Variants in MOCS1 observed in about 807,000 individuals in gnomAD.
MOCS1 encodes the protein molybdenum cofactor biosynthesis protein 1.
In MOCS1, 39 loss-of-function variants were observed where a neutral mutation model predicts 57.6. The observed-to-expected ratio is 0.68, with a 90% CI of 0.52 to 0.88. The LOEUF (loss-of-function observed/expected upper bound fraction) is 0.88, where lower values mean the gene tolerates loss of function less well. Among genes scored for constraint, MOCS1 ranks in the 40% least tolerant of loss-of-function variants. The pLI, the probability that MOCS1 is intolerant of heterozygous loss-of-function variation, is 0.00. For synonymous variants in MOCS1, 334 were observed against 335.7 expected (o/e 1.00, Z 0.05); for missense variants, 795 against 831.1 (o/e 0.96, Z 0.53).
intron 1 of MOCS1, among the ~76,000 whole-genome samples, chr6:39,928,100 T>G (rs1251154096): frequency 1.3e-5 from 2 of 152,056 alleles, no homozygotes; most frequent in African/African-American, 4.8e-5. Flanking sequence ...TAACTAAGGC[T>G]TGGATGGGGT....
In MOCS1 at chr6:39,906,111, C is replaced by G. The variant is rs777381570; in HGVS notation, c.*246G>C. The G allele has an allele frequency of 3.0e-6, 2 of 672,252 alleles. No homozygotes were observed. The highest frequency in any genetic ancestry group is 5.4e-6 in the Non-Finnish European group (2 of 368,786). 41.6% of individuals were successfully genotyped at this position (672,252 alleles called of 1,614,324 possible). A position where few individuals can be genotyped will look rare whatever the true frequency, so the allele number is the denominator to read the frequency against. On this transcript the variant is annotated 3_prime_UTR_variant, in exon 11 of 11. Coordinates refer to ENST00000340692, the MANE Select transcript of MOCS1 (RefSeq NM_001358530.2). Reference sequence around the variant, plus strand: ...ATTGCTTGTTGCAGTCCCGCTCCCACGACCTTAGTGTCCTGGAAGGCTTAA... The same window carrying G: ...ATTGCTTGTTGCAGTCCCGCTCCCAGGACCTTAGTGTCCTGGAAGGCTTAA...
Position 39,906,927 on chromosome 6 carries a change from T to C in MOCS1, c.1341A>G (p.Arg447=), listed in dbSNP as rs1299875028. Reference sequence around the variant, plus strand: ...CTGAGTCTGCACGGGAAGTGTAGTGTCTCTGAAAGGAGCCAGACCCCAGCC... The same window carrying C: ...CTGAGTCTGCACGGGAAGTGTAGTGCCTCTGAAAGGAGCCAGACCCCAGCC... ...QQRLGSGSFQ[R]HYTSRADSDA... Residue 447 remains arginine (R), a synonymous_variant, in exon 11 of 11, where the codon AGA becomes AGG. Coordinates refer to ENST00000340692, the MANE Select transcript of MOCS1 (RefSeq NM_001358530.2). The C allele has an allele frequency of 1.2e-6, 2 of 1,613,948 alleles. No homozygotes were observed. The highest frequency in any genetic ancestry group is 3.3e-5 in the Admixed American group (2 of 60,002).
chr6:39,923,680 CTGGG>C (rs1362438228), intron 3 of MOCS1, among the ~76,000 whole-genome samples: 1 of 152,262 alleles, frequency 6.6e-6, no homozygotes, highest in Admixed American at 6.5e-5. Context: ...GTCAGCTTGC[CTGGG>C]CCAGCTCAGC....
intron 1 of MOCS1, 98 bp downstream of exon 1, chr6:39,934,197 G>C (rs973079923): frequency 2.1e-6 from 3 of 1,413,818 alleles, no homozygotes; most frequent in East Asian, 5.1e-5. Context: ...TCCCAGAAGC[G>C]GTCAAGCAGA....
chr6:39,904,987 T>TGCAA lies in MOCS1; in HGVS notation c.*1366_*1369dup, dbSNP rs1766758097. Reference sequence around the variant, plus strand: ...CAATTGTTTACATTTTCAGAAATTTTGCAAGCCATTTGACATACTGGTAGC... The same window carrying TGCAA: ...CAATTGTTTACATTTTCAGAAATTTTGCAAGCAAGCCATTTGACATACTGGTAGC... On this transcript the variant is annotated 3_prime_UTR_variant, in exon 11 of 11. Coordinates refer to ENST00000340692, the MANE Select transcript of MOCS1 (RefSeq NM_001358530.2). 2.2e-6 allele frequency: 1 copy of TGCAA among 453,754 alleles called. No individual in the cohort carries two copies. Among genetic ancestry groups the TGCAA allele is most frequent in the African/African-American group, 2.0e-5 (1 of 49,758 alleles). The allele number at this position is 453,754 out of a possible 1,614,324, so 28.1% of individuals were successfully genotyped here. A position where few individuals can be genotyped will look rare whatever the true frequency, so the allele number is the denominator to read the frequency against.
At chr6:39,916,007 T>C (rs2149407023) in intron 4 of MOCS1, 61 bp downstream of exon 4, 1 of 1,541,764 alleles carries the variant, frequency 6.5e-7, no homozygotes. Flanking sequence ...GCAATGGCCA[T>C]GCCCTCCCCA....
chr6:39,927,774 C>G, intron 1 of MOCS1: 1 of 1,439,938 alleles, frequency 6.9e-7, no homozygotes, highest in Non-Finnish European at 9.1e-7. Context: ...ATTCTTCACT[C>G]TAGCCAGTGC....
At chr6:39,924,818 C>T (rs1056754614) in intron 3 of MOCS1, among the ~76,000 whole-genome samples, 1 of 152,162 alleles carries the variant, frequency 6.6e-6, no homozygotes, top group African/African-American at 2.4e-5. Flanking sequence ...GTGGCTCACG[C>T]CTGTAATCTC....
chr6:39,910,089 T>A, intron 8 of MOCS1, 134 bp from the exon 9 acceptor site: 1 of 1,331,038 alleles, frequency 7.5e-7, no homozygotes, highest in Non-Finnish European at 1.1e-6. Flanking sequence ...GCAGGGCCCC[T>A]AGCAGTGAGA....
chr6:39,928,256 C>T (rs1244725355), intron 1 of MOCS1, among the ~76,000 whole-genome samples: 1 of 151,872 alleles, frequency 6.6e-6, no homozygotes, highest in Non-Finnish European at 1.5e-5. Context: ...ACTCCACCTC[C>T]CAGATTCATG....
At chr6:39,912,419 G>A (rs753845397) in intron 7 of MOCS1, 45 bp from the exon 8 acceptor site, 5 of 1,357,810 alleles carry the variant, frequency 3.7e-6, no homozygotes, top group Non-Finnish European at 5.3e-6. Context: ...GAGGGGATGG[G>A]CTACTGAGCC....
chr6:39,916,015 C>T, intron 4 of MOCS1, 53 bp downstream of exon 4: 1 of 1,555,378 alleles, frequency 6.4e-7, no homozygotes, highest in Non-Finnish European at 8.7e-7. Context: ...CATGCCCTCC[C>T]CAGCTATGTG....
At chr6:39,913,188 C>T in intron 6 of MOCS1, 129 bp downstream of exon 6, 1 of 935,012 alleles carries the variant, frequency 1.1e-6, no homozygotes, top group Non-Finnish European at 1.7e-6. Context: ...TCCGAGAAGC[C>T]ACCAACAGCC....
chr6:39,931,474 A>G (rs1768640429), intron 1 of MOCS1, among the ~76,000 whole-genome samples: 1 of 152,046 alleles, frequency 6.6e-6, no homozygotes, highest in African/African-American at 2.4e-5. Flanking sequence ...AAATGAGAGG[A>G]CCCAACAAAG....
At chr6:39,931,995 ACTCCT>A (rs1768668318) in intron 1 of MOCS1, among the ~76,000 whole-genome samples, 1 of 150,262 alleles carries the variant, frequency 6.7e-6, no homozygotes, top group Non-Finnish European at 1.5e-5. Context: ...CCCACACACT[ACTCCT>A]TTCCATAGCT....
rs1287565980 is a variant in MOCS1 at position 39,913,560 on chromosome 6, C to T, written c.646-132G>A. ...TTCCTTGCTTCTCCCACTCAGTTCT[C>T]TAAGTTACGGGATTCCTTGGGGTCA... On this transcript the variant is annotated intron_variant, in intron 5 of 10. Transcript: ENST00000340692. The T allele has an allele frequency of 4.1e-6, 4 of 975,090 alleles. No individual in the cohort carries two copies. In the African/African-American group the frequency reaches 6.4e-5, roughly 16 times the overall value. The allele number at this position is 975,090 out of a possible 1,614,324, so 60.4% of individuals were successfully genotyped here.
rs1159214638 is a variant in MOCS1 at position 39,906,967 on chromosome 6, G to C, written c.1301C>G (p.Pro434Arg). The C allele has an allele frequency of 6.2e-7, 1 of 1,614,026 alleles. No individual in the cohort carries two copies. Among genetic ancestry groups the C allele is most frequent in the Non-Finnish European group, 8.5e-7 (1 of 1,180,040 alleles). ...WKGCRVPQTP[P>R]LAQQRLGSGS... ...AGACCCCAGCCGCTGCTGGGCTAGA[G>C]GAGGGGTCTGGGGGACCCTGCATCC... is the stretch of plus-strand genomic sequence containing the variant. The change falls in exon 11 of 11, where the codon CCT becomes CGT. Residue 434 changes from proline (P) to arginine (R), a missense_variant. By Grantham distance (103) the Pro-to-Arg change is moderately radical. This residue lies in a region of MOCS1 where 374 missense variants were observed against 422.6 expected (regional missense o/e 0.89). Transcript: ENST00000340692.
rs186418571 is a variant in MOCS1 at position 39,919,428 on chromosome 6, C to T, written c.419-3196G>A. ...GCTTGAACCCGGGAGGCAAAGGTGG[C>T]AGTGAGCCGAGATCGTGTCATTGCA... On this transcript the variant is annotated intron_variant, in intron 3 of 10. Transcript: ENST00000340692. Among the ~76,000 whole-genome samples, 258 of 151,950 alleles carry T rather than the reference C, an allele frequency of 1.7e-3. 1 individual carries two copies. Among genetic ancestry groups the T allele is most frequent in the Non-Finnish European group, 2.5e-3 (171 of 67,984 alleles).
intron 2 of MOCS1, among the ~76,000 whole-genome samples, chr6:39,926,975 A>G (rs911966485): frequency 6.6e-6 from 1 of 151,386 alleles, no homozygotes; most frequent in African/African-American, 2.4e-5. Context: ...AAATGTTTAT[A>G]ATGTCCACCA....
Sources: gnomAD v4.1 joint callset for allele counts (sites outside exome capture counted in the v4.1 genomes callset) on GRCh38, gnomAD v4.1.1 for gene constraint, gnomAD v4.1.1 regional missense constraint, MANE v1.5 for transcripts, NCBI Gene and HGNC (gene_info 2026-07-23, HGNC 2026-07-21) for gene names.